The following P4HA3 variants were observed in gnomAD, a reference collection of about 807,000 sequenced individuals.
The protein encoded by P4HA3 is prolyl 4-hydroxylase subunit alpha 3.
P4HA3 carries 60 observed loss-of-function variants against 66.7 expected under a neutral mutation model. That is an observed-to-expected ratio of 0.90 (90% CI 0.73 to 1.12). The LOEUF (loss-of-function observed/expected upper bound fraction) is 1.12, where lower values mean the gene tolerates loss of function less well. Ranked by LOEUF, P4HA3 falls within the 50% of genes most tolerant of loss-of-function variation. The pLI is 0.00. For synonymous variants in P4HA3, 263 were observed against 274.6 expected (o/e 0.96, Z 0.42); for missense variants, 683 against 685.8 (o/e 1.00, Z 0.05).
chr11:74,277,186 C>T (rs777164233), intron 8 of P4HA3, 42 bp from the exon 9 acceptor site: 8 of 1,569,174 alleles, frequency 5.1e-6, no homozygotes, highest in South Asian at 2.3e-5. Context: ...ATCTGTTGCC[C>T]GAAATGACTA....
chr11:74,251,945 G>C (rs1436201542), intron 15 of P4HA3: 1 of 717,872 alleles, frequency 1.4e-6, no homozygotes, highest in Non-Finnish European at 2.6e-6. Context: ...ATTAAATTGT[G>C]CCTAGTCTCA....
At chr11:74,275,570 C>T (rs1465167405) in intron 9 of P4HA3, among the ~76,000 whole-genome samples, 1 of 152,192 alleles carries the variant, frequency 6.6e-6, no homozygotes, top group Non-Finnish European at 1.5e-5. Flanking sequence ...GCCTTGATTC[C>T]TGTAGCTCTA....
intron 4 of P4HA3, among the ~76,000 whole-genome samples, chr11:74,292,053 C>T (rs1311040177): frequency 2.6e-5 from 4 of 152,022 alleles, no homozygotes; most frequent in East Asian, 3.9e-4. Flanking sequence ...TGGTAGAATT[C>T]GGCTGTGAAT....
At chr11:74,253,756 T>G (rs1197970949) in intron 15 of P4HA3, 2 of 588,054 alleles carry the variant, frequency 3.4e-6, no homozygotes, top group Non-Finnish European at 6.0e-6. Context: ...TTCCCTGTAC[T>G]GGGGTAGCTC....
chr11:74,276,407 A>AT (rs202011256), intron 9 of P4HA3, among the ~76,000 whole-genome samples: 6,019 of 152,002 alleles, frequency 0.04, 127 homozygotes, highest in Middle Eastern at 0.11. Context: ...TACAAAAAAA[A>AT]TTTTTTTAAA....
rs948053476 is a variant in P4HA3, at chr11:74,290,264, A to G, written c.718-1134T>C. Among the ~76,000 whole-genome samples the G allele has an allele frequency of 5.0e-3, 759 of 152,194 alleles. 7 individuals carry two copies. The highest frequency in any genetic ancestry group is 0.018 in the African/African-American group (733 of 41,500). On this transcript the variant is annotated intron_variant, in intron 4 of 12. Coordinates refer to ENST00000331597, the MANE Select transcript of P4HA3 (RefSeq NM_182904.5). ...CTTCTTTTGAGAAGTGTCTGTTCATATCCTTTGCCCACTTTTTGATGGGGT... is the reference window on the plus strand; with the variant it reads ...CTTCTTTTGAGAAGTGTCTGTTCATGTCCTTTGCCCACTTTTTGATGGGGT...
chr11:74,297,265 A>G (rs1861252344), intron 4 of P4HA3, among the ~76,000 whole-genome samples: 1 of 152,114 alleles, frequency 6.6e-6, no homozygotes, highest in Non-Finnish European at 1.5e-5. Context: ...ACACATACAC[A>G]GTTTTACAAC....
intron 15 of P4HA3, among the ~76,000 whole-genome samples, chr11:74,253,190 C>A (rs11236036): frequency 4.4e-4 from 67 of 152,138 alleles, no homozygotes; most frequent in Non-Finnish European, 8.2e-4. Context: ...AAGCGACACC[C>A]CTATGCTGAG....
At chr11:74,302,661 G>T (rs1861446659) in intron 2 of P4HA3, 69 bp from the exon 3 acceptor site, 4 of 1,357,174 alleles carry the variant, frequency 2.9e-6, no homozygotes, top group East Asian at 4.6e-5. Flanking sequence ...TACATGTAAG[G>T]CATGACCACC....
At position 74,267,020 on chromosome 11, in the gene P4HA3, T is replaced by C. The variant is rs1860009469; in HGVS notation, c.*228A>G. 1.3e-6 allele frequency: 2 copies of C among 1,526,792 alleles called. No individual in the cohort carries two copies. The highest frequency in any genetic ancestry group is 2.4e-5 in the South Asian group (2 of 82,094). 94.6% of individuals were successfully genotyped at this position (1,526,792 alleles called of 1,614,324 possible). A position where few individuals can be genotyped will look rare whatever the true frequency, so the allele number is the denominator to read the frequency against. ...CTCAGGCCTCCACTCCCCCCTCCTT[T>C]GTACTGTGCATCCTACTCTGACTTC... On this transcript the variant is annotated 3_prime_UTR_variant, in exon 13 of 13. Coordinates refer to ENST00000331597, the MANE Select transcript of P4HA3 (RefSeq NM_182904.5).
intron 7 of P4HA3, among the ~76,000 whole-genome samples, chr11:74,282,747 A>G (rs1428521253): frequency 2.0e-5 from 3 of 152,254 alleles, no homozygotes; most frequent in Non-Finnish European, 4.4e-5. Context: ...CTGGGGAGAC[A>G]GGATGCTGAC....
chr11:74,259,713 G>C (rs1240769570), intron 15 of P4HA3: 1 of 152,196 alleles, frequency 6.6e-6, no homozygotes, highest in African/African-American at 2.4e-5. Context: ...ATTTCATTTA[G>C]CATAATGCTT....
intron 9 of P4HA3, among the ~76,000 whole-genome samples, chr11:74,274,780 T>C (rs1860339375): frequency 6.6e-6 from 1 of 152,188 alleles, no homozygotes; most frequent in South Asian, 2.1e-4. Flanking sequence ...TTTTCCAAAG[T>C]GTCTGTATAA....
At chr11:74,295,088 G>A (rs944047074) in intron 4 of P4HA3, among the ~76,000 whole-genome samples, 4 of 152,112 alleles carry the variant, frequency 2.6e-5, no homozygotes. Flanking sequence ...AAATCTTAAA[G>A]CATGCAAAAC....
intron 1 of P4HA3, among the ~76,000 whole-genome samples, chr11:74,310,778 C>G (rs576066583): frequency 6.6e-6 from 1 of 152,310 alleles, no homozygotes; most frequent in African/African-American, 2.4e-5. Context: ...TCCACAGTGT[C>G]GTGCCCATCC....
Position 74,267,288 on chromosome 11 carries a change from T to C in P4HA3, c.1595A>G (p.Gln532Arg). Residue 532 changes from glutamine (Q) to arginine (R), a missense_variant, in exon 13 of 13, where the codon CAG becomes CGG. Transcript: ENST00000331597. ...VANKWIHEYGQEFRRPCSSSP... is the reference protein window; with the variant it reads ...VANKWIHEYGREFRRPCSSSP... Reference sequence around the variant, plus strand: ...GGAGCTGCAGGGTCTGCGGAATTCCTGTCCATACTCATGTATCCACTTGTT... The same window carrying C: ...GGAGCTGCAGGGTCTGCGGAATTCCCGTCCATACTCATGTATCCACTTGTT... 1 of 1,614,190 alleles carries C rather than the reference T, an allele frequency of 6.2e-7. No individual in the cohort carries two copies.
downstream of P4HA3, among the ~76,000 whole-genome samples, chr11:74,262,940 C>T (rs912466466): frequency 2.0e-5 from 3 of 152,264 alleles, no homozygotes; most frequent in African/African-American, 7.2e-5. Context: ...CTCTGCTCCC[C>T]TGTTGTGTGT....
intron 4 of P4HA3, among the ~76,000 whole-genome samples, chr11:74,296,909 T>C (rs186928223): frequency 1.3e-5 from 2 of 151,194 alleles, no homozygotes; most frequent in Non-Finnish European, 2.9e-5. Context: ...GAAGAGCACA[T>C]ACACAGTTTT....
intron 4 of P4HA3, among the ~76,000 whole-genome samples, chr11:74,293,490 T>A (rs931625703): frequency 2.6e-5 from 4 of 152,254 alleles, no homozygotes; most frequent in Non-Finnish European, 5.9e-5. Context: ...CCTGTCATTA[T>A]GACATTAGCT....
Sources: allele counts gnomAD v4.1 joint callset (sites outside exome capture counted in the v4.1 genomes callset), GRCh38; gene constraint gnomAD v4.1.1; transcripts MANE v1.5; gene names NCBI Gene and HGNC (gene_info 2026-07-23, HGNC 2026-07-21).